Variants in SLC9A9 observed in about 807,000 individuals in gnomAD.
SLC9A9 encodes sodium/hydrogen exchanger 9.
SLC9A9 carries 62 observed loss-of-function variants against 77.8 expected under a neutral mutation model. That is an observed-to-expected ratio of 0.80 (90% CI 0.65 to 0.98). The LOEUF is 0.98. SLC9A9 is among the 50% of genes least tolerant of loss of function. The pLI, the probability that SLC9A9 is intolerant of heterozygous loss-of-function variation, is 0.00. For synonymous variants in SLC9A9, 320 were observed against 283.5 expected (o/e 1.13, Z -1.29); for missense variants, 775 against 774.9 (o/e 1.00, Z 0.00).
intron 11 of SLC9A9, among the ~76,000 whole-genome samples, chr3:143,479,240 ATTT>A (rs769236316): frequency 9.9e-5 from 15 of 152,174 alleles, no homozygotes; most frequent in African/African-American, 2.4e-4. Context: ...GAGTCGCAAC[ATTT>A]TTTATTTGTT....
intron 6 of SLC9A9, among the ~76,000 whole-genome samples, chr3:143,612,184 C>A (rs990363559): frequency 1.3e-5 from 2 of 152,234 alleles, no homozygotes; most frequent in Non-Finnish European, 2.9e-5. Flanking sequence ...CCTGCACAGA[C>A]AGTGATTGCC....
intron 9 of SLC9A9, chr3:143,517,452 C>T: frequency 6.3e-7 from 1 of 1,597,464 alleles, no homozygotes; most frequent in Non-Finnish European, 8.5e-7. Flanking sequence ...CTCTCATGCT[C>T]CTCTTGAGCC....
chr3:143,458,923 G>A (rs2108562557), intron 12 of SLC9A9, among the ~76,000 whole-genome samples: 1 of 151,984 alleles, frequency 6.6e-6, no homozygotes, highest in South Asian at 2.1e-4. Flanking sequence ...TTTTTTTAAA[G>A]AGCAGATCTG....
At chr3:143,518,028 C>G in intron 9 of SLC9A9, 2 of 1,423,544 alleles carry the variant, frequency 1.4e-6, no homozygotes, top group South Asian at 1.1e-5. Context: ...GCCTTTAAGT[C>G]TTCCTCCACC....
At chr3:143,331,054 A>C (rs1321013546) in intron 14 of SLC9A9, among the ~76,000 whole-genome samples, 1 of 152,226 alleles carries the variant, frequency 6.6e-6, no homozygotes, top group Non-Finnish European at 1.5e-5. Context: ...CCTTTAGTTA[A>C]TAGAGTACAG....
chr3:143,652,738 C>A (rs2038818990), intron 5 of SLC9A9, among the ~76,000 whole-genome samples: 1 of 150,104 alleles, frequency 6.7e-6, no homozygotes, highest in African/African-American at 2.5e-5. Flanking sequence ...GGCAGCAATT[C>A]CTTCCTCGTC....
intron 12 of SLC9A9, among the ~76,000 whole-genome samples, chr3:143,444,450 G>A (rs2034806388): frequency 6.6e-6 from 1 of 152,210 alleles, no homozygotes; most frequent in African/African-American, 2.4e-5. Flanking sequence ...TGGAACAAAT[G>A]TGGTTCATGG....
At chr3:143,302,965 C>T (rs965111221) in intron 14 of SLC9A9, among the ~76,000 whole-genome samples, 7 of 152,242 alleles carry the variant, frequency 4.6e-5, no homozygotes, top group African/African-American at 1.7e-4. Flanking sequence ...GCACTTCTAA[C>T]ACCACGGAGG....
At chr3:143,655,407 G>A (rs572394353) in intron 5 of SLC9A9, 317 of 910,156 alleles carry the variant, frequency 3.5e-4, no homozygotes, top group Non-Finnish European at 3.9e-4. Flanking sequence ...TCTGGACATC[G>A]TGTGGATAGG....
At chr3:143,611,127 AG>A (rs1380481891) in intron 6 of SLC9A9, among the ~76,000 whole-genome samples, 1 of 152,224 alleles carries the variant, frequency 6.6e-6, no homozygotes, top group African/African-American at 2.4e-5. Flanking sequence ...AAAACAAAAA[AG>A]CTTTTAGAAA....
intron 1 of SLC9A9, among the ~76,000 whole-genome samples, chr3:143,842,569 A>G (rs932930174): frequency 3.9e-5 from 6 of 152,234 alleles, no homozygotes; most frequent in Non-Finnish European, 5.9e-5. Flanking sequence ...GAAGTTTAGT[A>G]TGCTGGGCTC....
intron 14 of SLC9A9, among the ~76,000 whole-genome samples, chr3:143,358,979 T>G (rs1032243471): frequency 2.0e-5 from 3 of 152,218 alleles, no homozygotes; most frequent in African/African-American, 7.2e-5. Flanking sequence ...CAATAGGGAT[T>G]TAAGTCTGCT....
chr3:143,296,050 GAATT>G (rs1036939397), intron 14 of SLC9A9, among the ~76,000 whole-genome samples: 6 of 152,066 alleles, frequency 3.9e-5, no homozygotes, highest in Non-Finnish European at 5.9e-5. Flanking sequence ...CTTTTTTCTT[GAATT>G]AATTATTTTG....
intron 5 of SLC9A9, among the ~76,000 whole-genome samples, chr3:143,664,084 G>A (rs1334766401): frequency 6.6e-6 from 1 of 152,086 alleles, no homozygotes; most frequent in East Asian, 1.9e-4. Context: ...CAGAGAGAAA[G>A]GTCAGGTTGC....
chr3:143,767,541 T>TA (rs1367188087), intron 4 of SLC9A9, among the ~76,000 whole-genome samples: 2 of 152,114 alleles, frequency 1.3e-5, no homozygotes, highest in African/African-American at 4.8e-5. Context: ...ACCTCATTCT[T>TA]ATATACCTGT....
chr3:143,631,990 T>A (rs2038434217), intron 6 of SLC9A9, among the ~76,000 whole-genome samples: 1 of 152,062 alleles, frequency 6.6e-6, no homozygotes, highest in Admixed American at 6.6e-5. Flanking sequence ...AGAACTTGCC[T>A]CCTCAACTGC....
intron 14 of SLC9A9, among the ~76,000 whole-genome samples, chr3:143,323,121 C>T (rs145015776): frequency 0.029 from 4,415 of 152,076 alleles, 79 homozygotes; most frequent in South Asian, 0.041. Context: ...TCTTATATAC[C>T]GTTGGTGGGA....
At chr3:143,380,655 CATCCTGCAGTT>C (rs2033281858) in intron 13 of SLC9A9, among the ~76,000 whole-genome samples, 1 of 152,208 alleles carries the variant, frequency 6.6e-6, no homozygotes, top group African/African-American at 2.4e-5. Flanking sequence ...TGCTGTGCTC[CATCCTGCAGTT>C]AGGTGTGTTT....
chr3:143,527,545 A>G (rs1238407244), intron 9 of SLC9A9, among the ~76,000 whole-genome samples: 1 of 152,208 alleles, frequency 6.6e-6, no homozygotes, highest in African/African-American at 2.4e-5. Flanking sequence ...GGTCTCATAC[A>G]ATGAAGATAT....
Sources: allele counts gnomAD v4.1 joint callset (sites outside exome capture counted in the v4.1 genomes callset), GRCh38; gene constraint gnomAD v4.1.1; transcripts MANE v1.5; gene names NCBI Gene and HGNC (gene_info 2026-07-23, HGNC 2026-07-21).